Variants in DIAPH3 observed in about 807,000 individuals in gnomAD.
The protein encoded by DIAPH3 is protein diaphanous homolog 3.
In DIAPH3, 117 loss-of-function variants were observed where a neutral mutation model predicts 144.3. That is an observed-to-expected ratio of 0.81 (90% CI 0.70 to 0.95). The LOEUF (loss-of-function observed/expected upper bound fraction) is 0.95. Among genes scored for constraint, DIAPH3 ranks in the 40% least tolerant of loss-of-function variants. The pLI, the probability that DIAPH3 is intolerant of heterozygous loss-of-function variation, is 0.00. For synonymous variants in DIAPH3, 519 were observed against 488.9 expected, an observed-to-expected ratio of 1.06 and a Z score of -0.81; for missense variants, 1,421 against 1,412.7, an observed-to-expected ratio of 1.01 and a Z score of -0.09.
chr13:59,888,509 T>C (rs1372000153), intron 20 of DIAPH3, among the ~76,000 whole-genome samples: 1 of 152,180 alleles, frequency 6.6e-6, no homozygotes, highest in Non-Finnish European at 1.5e-5. Context: ...CTATTTCGTC[T>C]ACTGGCTTAA....
At chr13:59,680,173 C>A (rs1726515925) in intron 27 of DIAPH3, among the ~76,000 whole-genome samples, 1 of 152,098 alleles carries the variant, frequency 6.6e-6, no homozygotes, top group African/African-American at 2.4e-5. Context: ...TTAAGAAACA[C>A]ACACACCTAC....
At chr13:60,066,452 G>A (rs563753119) in intron 4 of DIAPH3, among the ~76,000 whole-genome samples, 6 of 152,170 alleles carry the variant, frequency 3.9e-5, no homozygotes, top group African/African-American at 9.6e-5. Context: ...TCTCAGTAAC[G>A]CAAAAACAGT....
In DIAPH3 at chr13:59,911,766, T is replaced by C. The variant is rs1224034623; in HGVS notation, c.2336A>G (p.Asn779Ser). 1.2e-6 allele frequency: 2 copies of C among 1,613,578 alleles called. No individual in the cohort carries two copies. The highest frequency in any genetic ancestry group is 1.7e-6 in the Non-Finnish European group (2 of 1,179,740). ...CACAAACTGCTCAGGTTCACATAAG[T>C]TGCTATATTCACTCTTGAACTGAGA... is the stretch of plus-strand genomic sequence containing the variant. ...SLSQFKSEYS[N>S]LCEPEQFVVV... Residue 779 changes from asparagine (N) to serine (S), a missense_variant, in exon 20 of 28, where the codon AAC (asparagine) becomes AGC (serine). Physicochemically the swap from Asn to Ser is conservative, Grantham distance 46 (BLOSUM62 1). Coordinates refer to ENST00000400324, the MANE Select transcript of DIAPH3 (RefSeq NM_001042517.2).
chr13:60,158,675 G>A, intron 1 of DIAPH3, among the ~76,000 whole-genome samples: 1 of 152,068 alleles, frequency 6.6e-6, no homozygotes, highest in Non-Finnish European at 1.5e-5. Flanking sequence ...AATCTGGACT[G>A]GCTGGGAAGC....
chr13:60,085,610 A>G (rs1386980452), intron 4 of DIAPH3, among the ~76,000 whole-genome samples: 7 of 152,142 alleles, frequency 4.6e-5, no homozygotes, highest in Admixed American at 1.3e-4. Context: ...CAAGATCAAG[A>G]GTTATTGCTC....
chr13:60,107,566 A>G (rs1225838), intron 3 of DIAPH3, among the ~76,000 whole-genome samples: 95,803 of 151,914 alleles, frequency 0.63, 30,650 homozygotes, highest in Admixed American at 0.71. Flanking sequence ...GGTTTCCCAC[A>G]CTGAAAAGCC....
chr13:59,855,456 T>A (rs1466426951), intron 22 of DIAPH3, among the ~76,000 whole-genome samples: 1 of 152,016 alleles, frequency 6.6e-6, no homozygotes, highest in Non-Finnish European at 1.5e-5. Flanking sequence ...TTTTATTATA[T>A]TTGGCTTATA....
chr13:60,051,625 A>C (rs763764074), intron 4 of DIAPH3, among the ~76,000 whole-genome samples: 9 of 152,150 alleles, frequency 5.9e-5, no homozygotes, highest in Non-Finnish European at 1.2e-4. Context: ...TCAAAAAAAA[A>C]CAAGAAAACA....
chr13:60,032,412 T>A (rs2090011), intron 5 of DIAPH3, among the ~76,000 whole-genome samples: 37,835 of 152,098 alleles, frequency 0.25, 5,541 homozygotes, highest in Admixed American at 0.38. Flanking sequence ...CACCCAGGCT[T>A]TCTCCATATA....
At chr13:60,109,715 G>C (rs1233674605) in intron 3 of DIAPH3, among the ~76,000 whole-genome samples, 3 of 152,160 alleles carry the variant, frequency 2.0e-5, no homozygotes, top group Non-Finnish European at 4.4e-5. Context: ...ATTTAAAGGT[G>C]CAACAGCTGG....
intron 20 of DIAPH3, among the ~76,000 whole-genome samples, chr13:59,888,742 AC>A (rs1957168596): frequency 6.6e-6 from 1 of 152,076 alleles, no homozygotes; most frequent in African/African-American, 2.4e-5. Context: ...CTGAAGGACA[AC>A]TTTTAGCATT....
At chr13:59,824,913 G>GTTCAAAAA (rs764548831) in intron 24 of DIAPH3, among the ~76,000 whole-genome samples, 71 of 152,162 alleles carry the variant, frequency 4.7e-4, no homozygotes, top group Non-Finnish European at 5.9e-4. Flanking sequence ...AAATGTTCGT[G>GTTCAAAAA]TGCTCAAAAA....
intron 22 of DIAPH3, among the ~76,000 whole-genome samples, chr13:59,852,821 T>G (rs534040175): frequency 5.1e-4 from 78 of 152,322 alleles, no homozygotes; most frequent in Admixed American, 1.8e-3. Context: ...TGACAATACA[T>G]ATTAAAATTC....
chr13:59,742,003 G>A (rs935727501), intron 27 of DIAPH3, among the ~76,000 whole-genome samples: 5 of 152,144 alleles, frequency 3.3e-5, no homozygotes, highest in African/African-American at 4.8e-5. Flanking sequence ...AGTTCCACAC[G>A]GCTGGGGAGG....
At chr13:60,161,321 T>A (rs1242311110) in intron 1 of DIAPH3, among the ~76,000 whole-genome samples, 1 of 152,190 alleles carries the variant, frequency 6.6e-6, no homozygotes, top group African/African-American at 2.4e-5. Context: ...TACAATTACT[T>A]TCTGAGGCAT....
At chr13:60,010,777 T>A in intron 7 of DIAPH3, 108 bp from the exon 8 acceptor site, 1 of 1,085,014 alleles carries the variant, frequency 9.2e-7, no homozygotes, top group Non-Finnish European at 1.3e-6. Context: ...TTTTTACACT[T>A]ACTAAAGCTA....
At chr13:60,040,226 CAAAAAAAAAA>C (rs5803983) in intron 5 of DIAPH3, among the ~76,000 whole-genome samples, 16 of 34,838 alleles carry the variant, frequency 4.6e-4, no homozygotes, top group Admixed American at 4.7e-4. Context: ...GACTCCATCT[CAAAAAAAAAA>C]AAAAAAAAAA....
intron 27 of DIAPH3, 142 bp from the exon 28 acceptor site, chr13:59,666,988 G>A (rs2032056910): frequency 2.0e-6 from 2 of 1,021,328 alleles, no homozygotes; most frequent in East Asian, 2.6e-5. Context: ...AGTCAACAGA[G>A]TAAGACAGGT....
chr13:60,125,341 G>A (rs2058958935), intron 2 of DIAPH3, among the ~76,000 whole-genome samples: 1 of 149,170 alleles, frequency 6.7e-6, no homozygotes, highest in African/African-American at 2.5e-5. Flanking sequence ...AGTCTCCCAA[G>A]TAGCTAGGAC....
Sources: allele counts gnomAD v4.1 joint callset (sites outside exome capture counted in the v4.1 genomes callset), GRCh38; gene constraint gnomAD v4.1.1; transcripts MANE v1.5; gene names NCBI Gene and HGNC (gene_info 2026-07-23, HGNC 2026-07-21).